Variants in CCPG1 observed in about 807,000 individuals in gnomAD.
CCPG1 encodes the protein cell cycle progression protein 1.
Under a neutral mutation model 81.3 loss-of-function variants are expected in CCPG1, and 46 were observed. That is an observed-to-expected ratio of 0.57 (90% confidence interval 0.45 to 0.72). CCPG1 has a LOEUF of 0.72. CCPG1 is among the 30% of genes least tolerant of loss of function. The pLI is 0.00. For missense variants in CCPG1, 902 were observed against 937.6 expected (o/e 0.96, Z 0.50); for synonymous variants, 330 against 305.2 (o/e 1.08, Z -0.85).
At chr15:55,368,274 AAGC>A (rs1223378754) in intron 6 of CCPG1, among the ~76,000 whole-genome samples, 1 of 152,152 alleles carries the variant, frequency 6.6e-6, no homozygotes, top group Non-Finnish European at 1.5e-5. Flanking sequence ...GCTGTAGTCC[AAGC>A]AGTCTTTTCA....
chr15:55,407,015 C>T (rs2057239853), intron 1 of CCPG1, among the ~76,000 whole-genome samples: 1 of 147,538 alleles, frequency 6.8e-6, no homozygotes, highest in Non-Finnish European at 1.5e-5. Flanking sequence ...GAGTCCAAGA[C>T]CAGCCTGGCC....
intron 5 of CCPG1, among the ~76,000 whole-genome samples, chr15:55,374,955 G>C (rs987659650): frequency 6.6e-5 from 10 of 152,212 alleles, no homozygotes; most frequent in African/African-American, 1.9e-4. Context: ...ATGAGCCAAA[G>C]TGCCCGGCCC....
chr15:55,389,500 G>A lies in CCPG1; in HGVS notation c.-9-67C>T, dbSNP rs929706718. The stretch of plus-strand genomic sequence containing the variant: ...TTTAATTCTATAGGAAGCACTATAT[G>A]TGACACTAAGTTTGAAAAGTGGTTT... On this transcript the variant is annotated intron_variant, in intron 1 of 8. Coordinates refer to ENST00000442196, the MANE Select transcript of CCPG1 (RefSeq NM_001204450.2). 1.0e-5 allele frequency: 11 copies of A among 1,070,926 alleles called. No homozygotes were observed. In the African/African-American group the frequency reaches 1.7e-4, roughly 17 times the overall value. The allele number at this position is 1,070,926 out of a possible 1,614,324, so 66.3% of individuals were successfully genotyped here. A position where few individuals can be genotyped will look rare whatever the true frequency, so the allele number is the denominator to read the frequency against.
chr15:55,407,457 A>C (rs897914405), intron 1 of CCPG1, among the ~76,000 whole-genome samples: 1 of 152,312 alleles, frequency 6.6e-6, no homozygotes, highest in Non-Finnish European at 1.5e-5. Context: ...TAAAATTCAT[A>C]GTACTATATA....
chr15:55,357,381 A>T (rs2056102920), intron 8 of CCPG1: 1 of 985,192 alleles, frequency 1.0e-6, no homozygotes, highest in Non-Finnish European at 1.2e-6. Context: ...TCATCAGCTC[A>T]TGTCTGTATT....
chr15:55,376,216 C>G (rs472579), intron 5 of CCPG1, among the ~76,000 whole-genome samples: 81,040 of 152,042 alleles, frequency 0.53, 22,635 homozygotes, highest in African/African-American at 0.69. Flanking sequence ...ATAATTGTGG[C>G]TTAATAACTG....
At chr15:55,387,056 G>A (rs11857139) in intron 2 of CCPG1, among the ~76,000 whole-genome samples, 35,663 of 152,124 alleles carry the variant, frequency 0.23, 5,310 homozygotes, top group Non-Finnish European at 0.34. Context: ...TGGCCCAAAT[G>A]AGAATGGCAG....
chr15:55,374,287 CTATAT>C (rs2056513662), intron 5 of CCPG1: 1 of 1,095,634 alleles, frequency 9.1e-7, no homozygotes, highest in African/African-American at 1.6e-5. Context: ...AGGCATAAAG[CTATAT>C]TATAAAGACT....
In CCPG1 at chr15:55,355,889, G is replaced by T. The variant is rs2056068597; in HGVS notation, c.*331C>A. Reference sequence around the variant, plus strand: ...CAAACATCAGTGTTAATTACACTTTGTCATGTATGACTGAGCTTGCTTTAA... The same window carrying T: ...CAAACATCAGTGTTAATTACACTTTTTCATGTATGACTGAGCTTGCTTTAA... On this transcript the variant is annotated 3_prime_UTR_variant, in exon 9 of 9. Transcript: ENST00000442196. The T allele has an allele frequency of 3.3e-6, 1 of 306,266 alleles. No individual in the cohort carries two copies. Among genetic ancestry groups the T allele is most frequent in the South Asian group, 5.5e-5 (1 of 18,338 alleles). The allele number at this position is 306,266 out of a possible 1,614,324, so 19.0% of individuals were successfully genotyped here.
rs2057278135 is a variant in CCPG1 at position 55,408,309 on chromosome 15, A to T, written c.-98T>A. On this transcript the variant is annotated 5_prime_UTR_variant, in exon 1 of 9. Coordinates refer to ENST00000442196, the MANE Select transcript of CCPG1 (RefSeq NM_001204450.2). ...CGGGCGCCAATGACGCCTCTTATAAAAACAACCTGCTCGCAGGCGTCTGCA... is the reference window on the plus strand; with the variant it reads ...CGGGCGCCAATGACGCCTCTTATAATAACAACCTGCTCGCAGGCGTCTGCA... 6.5e-6 allele frequency: 1 copy of T among 154,774 alleles called. No homozygotes were observed. Among genetic ancestry groups the T allele is most frequent in the South Asian group, 1.9e-4 (1 of 5,222 alleles). 9.6% of individuals were successfully genotyped at this position (154,774 alleles called of 1,614,324 possible). A position where few individuals can be genotyped will look rare whatever the true frequency, so the allele number is the denominator to read the frequency against.
intron 8 of CCPG1, chr15:55,356,625 G>A: frequency 8.2e-7 from 1 of 1,223,090 alleles, no homozygotes; most frequent in South Asian, 3.6e-5. Context: ...AACTCTACTG[G>A]CAAAAAAGGG....
In CCPG1 at chr15:55,373,072, T is replaced by A. The variant is rs533426296; in HGVS notation, c.455-1028A>T. 123 of 522,576 alleles carry A rather than the reference T, an allele frequency of 2.4e-4. 1 individual carries two copies. The highest frequency in any genetic ancestry group is 4.4e-4 in the Non-Finnish European group (112 of 256,326). The allele number at this position is 522,576 out of a possible 1,614,324, so 32.4% of individuals were successfully genotyped here. ...GGACTATTCTGGTGCTGCTCCTTTA[T>A]GAAAATAATAGTAGAGAAAAACAAA... is the stretch of plus-strand genomic sequence containing the variant. On this transcript the variant is annotated intron_variant, in intron 5 of 8. Coordinates refer to ENST00000442196, the MANE Select transcript of CCPG1 (RefSeq NM_001204450.2).
At chr15:55,395,807 T>C (rs979491983) in intron 1 of CCPG1, among the ~76,000 whole-genome samples, 1 of 152,254 alleles carries the variant, frequency 6.6e-6, no homozygotes, top group Middle Eastern at 3.4e-3. Context: ...AAGCAATCAA[T>C]AAACAAGAAA....
In CCPG1 at chr15:55,359,873, C is replaced by G. The variant is rs763211278; in HGVS notation, c.1900G>C (p.Asp634His). ...CTCATGGACTCTTGTTGAGCACAAT[C>G]AAATACACCAGAACAAGCCTTTCTG... ...SFRKACSGVF[D>H]CAQQESMSLF... Residue 634 changes from aspartate to histidine, a missense_variant, in exon 8 of 9, where the codon GAT (aspartate) becomes CAT (histidine). Coordinates refer to ENST00000442196, the MANE Select transcript of CCPG1 (RefSeq NM_001204450.2). 1.9e-6 allele frequency: 3 copies of G among 1,613,782 alleles called. No homozygotes were observed. Among genetic ancestry groups the G allele is most frequent in the South Asian group, 1.1e-5 (1 of 91,056 alleles).
chr15:55,378,247 G>C (rs2056606934), intron 4 of CCPG1, 53 bp downstream of exon 4: 2 of 1,077,628 alleles, frequency 1.9e-6, no homozygotes, highest in Admixed American at 4.3e-5. Context: ...GCTTTAAATA[G>C]TATTCTAAGG....
intron 6 of CCPG1, 85 bp downstream of exon 6, chr15:55,371,708 T>C (rs2056453010): frequency 1.5e-6 from 2 of 1,375,744 alleles, no homozygotes; most frequent in South Asian, 2.8e-5. Context: ...ATAATGGCAC[T>C]GAAAACAGAT....
rs187304869 is a variant in CCPG1, at chr15:55,378,169, C to T, written c.252+131G>A. ...TACTTTGCTTAGATGTCCTCTAAGA[C>T]ATCTAACTTAGAAGTCAAAATTGCT... On this transcript the variant is annotated intron_variant, in intron 4 of 8. Transcript: ENST00000442196. The T allele has an allele frequency of 3.1e-3, 1,686 of 538,074 alleles. 28 individuals carry two copies. Among genetic ancestry groups the T allele is most frequent in the Non-Finnish European group, 5.5e-4 (171 of 308,778 alleles). 33.3% of individuals were successfully genotyped at this position (538,074 alleles called of 1,614,324 possible).
chr15:55,406,436 C>CTTTTTTTTTTTTTTTTTTTTTTTTT (rs143238270), intron 1 of CCPG1, among the ~76,000 whole-genome samples: 115 of 126,254 alleles, frequency 9.1e-4, no homozygotes, highest in Non-Finnish European at 1.2e-3. Context: ...TTCTTTTTCT[C>CTTTTTTTTTTTTTTTTTTTTTTTTT]TTTTTTTTTT....
At chr15:55,378,646 C>T (rs1038411603) in intron 3 of CCPG1, among the ~76,000 whole-genome samples, 4 of 151,756 alleles carry the variant, frequency 2.6e-5, no homozygotes, top group Admixed American at 6.6e-5. Flanking sequence ...CTCTGTTGCC[C>T]AGGCTGGAGT....
Sources: gnomAD v4.1 joint callset for allele counts (sites outside exome capture counted in the v4.1 genomes callset) on GRCh38, gnomAD v4.1.1 for gene constraint, MANE v1.5 for transcripts, NCBI Gene and HGNC (gene_info 2026-07-23, HGNC 2026-07-21) for gene names.